MRC1: variants seen among roughly 807,000 people sequenced by gnomAD.
MRC1 encodes mannose receptor C-type 1, also known as macrophage mannose receptor 1.
Under a neutral mutation model 102.9 loss-of-function variants are expected in MRC1, and 62 were observed. The ratio of observed to expected loss-of-function variants is 0.60; its 90% confidence interval spans 0.49 to 0.74. The LOEUF (loss-of-function observed/expected upper bound fraction) is 0.74. Ranked by LOEUF, MRC1 falls within the 30% of genes least tolerant of loss-of-function variation. The pLI, the probability that MRC1 is intolerant of heterozygous loss-of-function variation, is 0.00. For synonymous variants in MRC1, 457 were observed against 298.4 expected, an observed-to-expected ratio of 1.53 and a Z score of -5.48; for missense variants, 1,237 against 862.8, an observed-to-expected ratio of 1.43 and a Z score of -5.43.
chr10:17,869,486 T>C (rs1243344668), intron 12 of MRC1, among the ~76,000 whole-genome samples: 4 of 152,154 alleles, frequency 2.6e-5, no homozygotes, highest in East Asian at 1.9e-4. Context: ...GAGTAACGCA[T>C]GAGAATTAGA....
Position 17,911,028 on chromosome 10 carries a change from T to G in MRC1, c.*563T>G, listed in dbSNP as rs1206134894. Reference sequence around the variant, plus strand: ...CCCCAAGAGAGTTTTACAGGCTGAGTGTTGCAAATGTGTTCTTTGTCCTGT... The same window carrying G: ...CCCCAAGAGAGTTTTACAGGCTGAGGGTTGCAAATGTGTTCTTTGTCCTGT... On this transcript the variant is annotated 3_prime_UTR_variant, in exon 30 of 30. Transcript: ENST00000569591. The G allele has an allele frequency of 6.1e-6, 1 of 163,450 alleles. No individual in the cohort carries two copies. The highest frequency in any genetic ancestry group is 2.4e-5 in the African/African-American group (1 of 41,480). The allele number at this position is 163,450 out of a possible 1,614,324, so 10.1% of individuals were successfully genotyped here. A position where few individuals can be genotyped will look rare whatever the true frequency, so the allele number is the denominator to read the frequency against.
intron 4 of MRC1, among the ~76,000 whole-genome samples, chr10:17,837,835 A>T (rs1838692730): frequency 6.6e-6 from 1 of 152,004 alleles, no homozygotes; most frequent in Non-Finnish European, 1.5e-5. Flanking sequence ...TCCTGAGCTC[A>T]GCTGATCTAC....
intron 22 of MRC1, 99 bp from the exon 23 acceptor site, chr10:17,894,111 A>T (rs1833718435): frequency 4.9e-6 from 4 of 808,744 alleles, no homozygotes; most frequent in Non-Finnish European, 8.9e-6. Flanking sequence ...AAAATTTGGA[A>T]ATCAGGGATA....
intron 1 of MRC1, among the ~76,000 whole-genome samples, chr10:17,815,865 C>T (rs912665752): frequency 2.7e-5 from 4 of 150,942 alleles, no homozygotes; most frequent in Admixed American, 6.6e-5. Flanking sequence ...CTCACTCTGT[C>T]GCCCAGGCTA....
intron 2 of MRC1, among the ~76,000 whole-genome samples, chr10:17,823,775 A>T (rs1278045700): frequency 6.6e-6 from 1 of 152,202 alleles, no homozygotes; most frequent in African/African-American, 2.4e-5. Flanking sequence ...AATCGTTTTC[A>T]TTGTAGTCTT....
chr10:17,847,000 T>TTA (rs1838835322), intron 6 of MRC1, among the ~76,000 whole-genome samples: 2 of 152,210 alleles, frequency 1.3e-5, no homozygotes, highest in Non-Finnish European at 2.9e-5. Context: ...TTGATATAGA[T>TTA]TTGGCCAAGA....
intron 22 of MRC1, among the ~76,000 whole-genome samples, chr10:17,887,932 A>C (rs1833623344): frequency 6.6e-6 from 1 of 152,108 alleles, no homozygotes; most frequent in Admixed American, 6.5e-5. Flanking sequence ...CCTCATAAAT[A>C]GCTGGGATTA....
At chr10:17,907,129 A>G (rs2130725227) in intron 27 of MRC1, 130 bp downstream of exon 27, 2 of 685,860 alleles carry the variant, frequency 2.9e-6, no homozygotes, top group South Asian at 1.8e-5. Flanking sequence ...TCAAACTCAT[A>G]TTTTTATTTA....
intron 5 of MRC1, chr10:17,844,984 T>C: frequency 1.7e-6 from 1 of 591,208 alleles, no homozygotes; most frequent in South Asian, 1.5e-5. Context: ...TAATCCGTTG[T>C]GACAACTGTT....
intron 22 of MRC1, among the ~76,000 whole-genome samples, chr10:17,892,725 T>C (rs1490376948): frequency 1.3e-5 from 2 of 152,088 alleles, no homozygotes; most frequent in African/African-American, 2.4e-5. Flanking sequence ...AAATAGAAGA[T>C]AACTGGCCAG....
intron 4 of MRC1, among the ~76,000 whole-genome samples, chr10:17,834,335 G>T (rs1554839305): frequency 6.6e-6 from 1 of 152,138 alleles, no homozygotes; most frequent in Non-Finnish European, 1.5e-5. Context: ...GAACCCCCAG[G>T]CTCTACCAGT....
chr10:17,866,856 ACT>A (rs1233095365), intron 12 of MRC1, 95 bp downstream of exon 12: 20 of 757,960 alleles, frequency 2.6e-5, no homozygotes, highest in Non-Finnish European at 4.4e-5. Context: ...AAACCAAAAC[ACT>A]CTGCCCAGAC....
chr10:17,872,327 C>T (rs1833366007), intron 15 of MRC1, among the ~76,000 whole-genome samples: 1 of 152,142 alleles, frequency 6.6e-6, no homozygotes, highest in Non-Finnish European at 1.5e-5. Context: ...CAAAAGGCCA[C>T]CTGGGAGTTC....
At chr10:17,840,827 G>A (rs1554839835) in intron 5 of MRC1, 21 bp downstream of exon 5, 1 of 780,800 alleles carries the variant, frequency 1.3e-6, no homozygotes, top group Admixed American at 1.7e-5. Context: ...GCCTGTTTGT[G>A]TCGAATTAAT....
chr10:17,856,747 C>A (rs893540614), intron 9 of MRC1, among the ~76,000 whole-genome samples: 127 of 152,176 alleles, frequency 8.3e-4, no homozygotes, highest in African/African-American at 3.0e-3. Flanking sequence ...AGAACATTTG[C>A]AGTAGATACC....
intron 19 of MRC1, 75 bp downstream of exon 19, chr10:17,879,896 CA>C (rs568294503): frequency 7.9e-5 from 62 of 779,938 alleles, no homozygotes; most frequent in Admixed American, 1.7e-4. Flanking sequence ...CTAAAAGTAG[CA>C]AGTTGTGTGC....
intron 1 of MRC1, among the ~76,000 whole-genome samples, chr10:17,822,113 A>G (rs1014517525): frequency 2.0e-5 from 3 of 152,224 alleles, no homozygotes; most frequent in Non-Finnish European, 4.4e-5. Context: ...TTTGCCAGCT[A>G]GCAGCTATGT....
chr10:17,883,536 CT>C (rs1436405201), intron 21 of MRC1, among the ~76,000 whole-genome samples: 10 of 151,552 alleles, frequency 6.6e-5, no homozygotes, highest in Admixed American at 1.3e-4. Context: ...GCTGCCTCTT[CT>C]ACTCTGCAGA....
chr10:17,879,998 C>T (rs1833491755), intron 19 of MRC1, among the ~76,000 whole-genome samples, 177 bp downstream of exon 19: 1 of 152,186 alleles, frequency 6.6e-6, no homozygotes, highest in African/African-American at 2.4e-5. Flanking sequence ...AGATGCTTAA[C>T]ATTTACACTA....
Sources: gnomAD v4.1 joint callset for allele counts (sites outside exome capture counted in the v4.1 genomes callset) on GRCh38, gnomAD v4.1.1 for gene constraint, MANE v1.5 for transcripts, NCBI Gene and HGNC (gene_info 2026-07-23, HGNC 2026-07-21) for gene names.